FBXO31: variants seen among roughly 807,000 people sequenced by gnomAD.
The protein encoded by FBXO31 is F-box protein 31, also known as F-box only protein 31.
FBXO31 carries 24 observed loss-of-function variants against 54.4 expected under a neutral mutation model. The ratio of observed to expected loss-of-function variants is 0.44; its 90% CI spans 0.32 to 0.62. The LOEUF (loss-of-function observed/expected upper bound fraction) is 0.62. Among genes scored for constraint, FBXO31 ranks in the 20% least tolerant of loss-of-function variants. FBXO31 has a pLI of 0.05. For missense variants in FBXO31, 665 were observed against 787.1 expected (o/e 0.84, Z 1.86); for synonymous variants, 388 against 335.6 (o/e 1.16, Z -1.71).
At chr16:87,360,413 C>T (rs367869975) in intron 1 of FBXO31, 47 bp from the exon 2 acceptor site, 22 of 1,561,334 alleles carry the variant, frequency 1.4e-5, no homozygotes, top group Middle Eastern at 1.7e-4. Context: ...CAACTCATAA[C>T]GCGACAGACG....
intron 5 of FBXO31, among the ~76,000 whole-genome samples, chr16:87,340,796 A>G (rs1156867871): frequency 1.3e-5 from 2 of 152,230 alleles, no homozygotes; most frequent in Non-Finnish European, 2.9e-5. Context: ...CTCTCTCTTA[A>G]AAATTAACAT....
chr16:87,372,887 A>G (rs1022066621), intron 1 of FBXO31, among the ~76,000 whole-genome samples: 1 of 151,168 alleles, frequency 6.6e-6, no homozygotes, highest in African/African-American at 2.4e-5. Context: ...CAGGCACGCC[A>G]CCACACCCCA....
chr16:87,355,473 A>T (rs934072153), intron 2 of FBXO31, among the ~76,000 whole-genome samples: 10 of 152,220 alleles, frequency 6.6e-5, no homozygotes, highest in African/African-American at 2.4e-4. Context: ...CTTTTTTCAC[A>T]CACAAGAACT....
intron 3 of FBXO31, among the ~76,000 whole-genome samples, chr16:87,344,945 C>T (rs377582300): frequency 4.9e-4 from 73 of 149,504 alleles, no homozygotes; most frequent in African/African-American, 1.7e-3. Flanking sequence ...CCCATCCCTG[C>T]CCCAAACCCC....
chr16:87,331,450 C>T lies in FBXO31; in HGVS notation c.1458G>A (p.Gly486=). ...HGFTSPERTP[G]VFILFDEDRF... is the part of the protein sequence containing the mutation. ...GGTCCTCATCGAAGAGGATGAAGAC[C>T]CCGGGGGTGCGTTCAGGGCTGGTGA... Residue 486 remains glycine (G), a synonymous_variant, in exon 9 of 9, where the codon GGG becomes GGA. Coordinates refer to ENST00000311635, the MANE Select transcript of FBXO31 (RefSeq NM_024735.5). The T allele has an allele frequency of 1.9e-6, 3 of 1,613,604 alleles. No homozygotes were observed. The highest frequency in any genetic ancestry group is 2.5e-6 in the Non-Finnish European group (3 of 1,179,914).
intron 2 of FBXO31, among the ~76,000 whole-genome samples, chr16:87,355,715 A>G (rs1183720817): frequency 6.6e-6 from 1 of 152,212 alleles, no homozygotes; most frequent in Non-Finnish European, 1.5e-5. Context: ...TCACAATAGG[A>G]GGCTGCGCAG....
chr16:87,348,421 C>T lies in FBXO31; in HGVS notation c.413-1171G>A, dbSNP rs370696800. On this transcript the variant is annotated intron_variant, in intron 2 of 8. Transcript: ENST00000311635. ...TTACCCATCAAGAGAAAGCAGTGAG[C>T]GTGATGATGGGGGAGAAGGTGGCAC... Among the ~76,000 whole-genome samples the T allele has an allele frequency of 9.7e-4, 148 of 152,310 alleles. 1 individual carries two copies. The South Asian group carries it at 0.021, about 22-fold the overall frequency.
At chr16:87,380,972 T>C (rs1281862317) in intron 1 of FBXO31, among the ~76,000 whole-genome samples, 2 of 152,222 alleles carry the variant, frequency 1.3e-5, no homozygotes, top group African/African-American at 4.8e-5. Flanking sequence ...CATATATACC[T>C]TACGGTTTCC....
At position 87,338,842 on chromosome 16, in the gene FBXO31, A is replaced by C. The variant is rs1220689575; in HGVS notation, c.733-2578T>G. Among the ~76,000 whole-genome samples, 2 of 152,200 alleles carry C rather than the reference A, an allele frequency of 1.3e-5. No homozygotes were observed. Among genetic ancestry groups the C allele is most frequent in the Admixed American group, 1.3e-4 (2 of 15,290 alleles). ...GTGTCCCCACCCAAATCTCATCTTGAACTGTAGCTCTTCCAATTCCCATGT... is the reference window on the plus strand; with the variant it reads ...GTGTCCCCACCCAAATCTCATCTTGCACTGTAGCTCTTCCAATTCCCATGT... On this transcript the variant is annotated intron_variant, in intron 5 of 8. Coordinates refer to ENST00000311635, the MANE Select transcript of FBXO31 (RefSeq NM_024735.5). The surrounding 1 kb of genome is among the most constrained non-coding windows in gnomAD (Gnocchi z 4.3).
intron 5 of FBXO31, among the ~76,000 whole-genome samples, chr16:87,342,253 C>T (rs1241472722): frequency 1.3e-5 from 2 of 152,016 alleles, no homozygotes; most frequent in African/African-American, 4.8e-5. Context: ...CAGGGTCTCA[C>T]TATGTTGCCC....
chr16:87,363,927 G>C (rs775266285), intron 1 of FBXO31, among the ~76,000 whole-genome samples: 8 of 152,192 alleles, frequency 5.3e-5, no homozygotes, highest in Non-Finnish European at 1.0e-4. Flanking sequence ...TACGATTCTA[G>C]TTGGAGATAA....
rs190408012 is a variant in FBXO31 at position 87,352,040 on chromosome 16, G to A, written c.413-4790C>T. ...CAGCAAGGCGATGTGGGGTGGGGTGGGGGGCCCCTGTCAGGGTTTCTGAGA... is the reference window on the plus strand; with the variant it reads ...CAGCAAGGCGATGTGGGGTGGGGTGAGGGGCCCCTGTCAGGGTTTCTGAGA... On this transcript the variant is annotated intron_variant, in intron 2 of 8. Transcript: ENST00000311635. Among the ~76,000 whole-genome samples the A allele has an allele frequency of 2.2e-4, 33 of 152,288 alleles. No homozygotes were observed. In the East Asian group the frequency reaches 5.0e-3, roughly 23 times the overall value.
At chr16:87,388,774 G>A (rs1907412083), upstream of FBXO31, 2 of 152,174 alleles carry the variant, frequency 1.3e-5, no homozygotes, top group Non-Finnish European at 2.9e-5. Flanking sequence ...TTGAAAAAAG[G>A]AATAGGGTGC....
Position 87,383,731 on chromosome 16 carries a change from G to C in FBXO31, c.14C>G (p.Ala5Gly). ...CGACGGGCCCACGCCGCAAAGGCGA[G>C]CACACACCGCCATGCCGCCCAGTGA... is the stretch of plus-strand genomic sequence containing the variant. Reference protein sequence around the residue: MAVCARLCGVGPSRG... With the variant: MAVCGRLCGVGPSRG... The change falls in exon 1 of 9, where the codon GCT (alanine) becomes GGT (glycine). Residue 5 changes from alanine (A) to glycine (G), a missense_variant. By Grantham distance (60) the Ala-to-Gly change is moderately conservative (BLOSUM62 0). This residue lies in a region of FBXO31 where 195 missense variants were observed against 174.8 expected (regional missense o/e 1.12). Coordinates refer to ENST00000311635, the MANE Select transcript of FBXO31 (RefSeq NM_024735.5). The surrounding 1 kb of genome is among the most constrained non-coding windows in gnomAD (Gnocchi z 4.9). 8.1e-7 allele frequency: 1 copy of C among 1,228,776 alleles called. No homozygotes were observed. The highest frequency in any genetic ancestry group is 3.5e-5 in the East Asian group (1 of 28,408). 76.1% of individuals were successfully genotyped at this position (1,228,776 alleles called of 1,614,324 possible). A position where few individuals can be genotyped will look rare whatever the true frequency, so the allele number is the denominator to read the frequency against.
At chr16:87,363,723 G>A (rs1014655978) in intron 1 of FBXO31, among the ~76,000 whole-genome samples, 1 of 152,200 alleles carries the variant, frequency 6.6e-6, no homozygotes, top group African/African-American at 2.4e-5. Flanking sequence ...CAGGGACTCT[G>A]TGAGAGTCTC....
intron 2 of FBXO31, among the ~76,000 whole-genome samples, chr16:87,348,677 A>C (rs1905506342): frequency 6.6e-6 from 1 of 152,180 alleles, no homozygotes; most frequent in Admixed American, 6.5e-5. Flanking sequence ...GGTCGCTGGA[A>C]GCACAGGTCC....
chr16:87,387,770 T>A (rs1217941781), upstream of FBXO31, among the ~76,000 whole-genome samples: 1 of 152,088 alleles, frequency 6.6e-6, no homozygotes, highest in South Asian at 2.1e-4. Flanking sequence ...TGGCGCCACA[T>A]GCACTGGGCA....
chr16:87,380,705 G>A (rs1028160407), intron 1 of FBXO31, among the ~76,000 whole-genome samples: 1 of 152,234 alleles, frequency 6.6e-6, no homozygotes, highest in African/African-American at 2.4e-5. Flanking sequence ...TCACTTGGGT[G>A]AACAAGATGC....
At chr16:87,377,179 T>C (rs1173924764) in intron 1 of FBXO31, among the ~76,000 whole-genome samples, 3 of 152,258 alleles carry the variant, frequency 2.0e-5, no homozygotes, top group Non-Finnish European at 4.4e-5. Flanking sequence ...GGACGGTGGC[T>C]CACGCCAGTA....
Sources: gnomAD v4.1 joint callset for allele counts (sites outside exome capture counted in the v4.1 genomes callset) on GRCh38, gnomAD v4.1.1 for gene constraint, gnomAD v4.1.1 regional missense constraint, Gnocchi (gnomAD v3.1) non-coding constraint, MANE v1.5 for transcripts, NCBI Gene and HGNC (gene_info 2026-07-23, HGNC 2026-07-21) for gene names.